The following CNTRL variants were observed in gnomAD, a reference collection of about 807,000 sequenced individuals.
The protein encoded by CNTRL is centriolin.
Under a neutral mutation model 303.7 loss-of-function variants are expected in CNTRL, and 233 were observed. That is an observed-to-expected ratio of 0.77 (90% CI 0.69 to 0.86). The LOEUF is 0.86. Among genes scored for constraint, CNTRL ranks in the 40% least tolerant of loss-of-function variants. The probability of loss-of-function intolerance (pLI) is 0.00; values close to 1 mark genes in which losing one functional copy is unlikely to be tolerated. For synonymous variants in CNTRL, 900 were observed against 922.2 expected, an observed-to-expected ratio of 0.98 and a Z score of 0.44; for missense variants, 2,524 against 2,650.6, an observed-to-expected ratio of 0.95 and a Z score of 1.05.
chr9:121,169,922 C>T (rs953726927), intron 39 of CNTRL, 106 bp downstream of exon 39: 1 of 899,704 alleles, frequency 1.1e-6, no homozygotes, highest in Non-Finnish European at 1.7e-6. Flanking sequence ...TCAACCCAGT[C>T]CTGAACCCAG....
intron 7 of CNTRL, among the ~76,000 whole-genome samples, chr9:121,105,254 C>A (rs570909387): frequency 6.6e-6 from 1 of 152,066 alleles, no homozygotes; most frequent in Non-Finnish European, 1.5e-5. Flanking sequence ...AGTTAACATG[C>A]TGGATGTGGA....
chr9:121,084,919 T>A (rs2048287953), intron 2 of CNTRL, among the ~76,000 whole-genome samples: 1 of 152,210 alleles, frequency 6.6e-6, no homozygotes, highest in Admixed American at 6.5e-5. Context: ...GAACTTTACC[T>A]TTCTTTCATA....
At chr9:121,077,680 C>T (rs1246358103) in intron 1 of CNTRL, among the ~76,000 whole-genome samples, 1 of 152,156 alleles carries the variant, frequency 6.6e-6, no homozygotes, top group Admixed American at 6.5e-5. Flanking sequence ...CACAGTGGCT[C>T]ACACCTGTAA....
chr9:121,157,588 A>G lies in CNTRL; in HGVS notation c.4484A>G (p.Asp1495Gly). The change falls in exon 28 of 44, where the codon GAT becomes GGT. Residue 1495 changes from aspartate (D) to glycine (G), a missense_variant. Physicochemically the swap from Asp to Gly is moderately conservative, Grantham distance 94 (BLOSUM62 -1). Coordinates refer to ENST00000373855, the MANE Select transcript of CNTRL (RefSeq NM_007018.6). Reference sequence around the variant, plus strand: ...ACTGCTGTTAACCTCGTCAAAGCTGATCAGCAGCTAAGGTAGGTGGATTCC... The same window carrying G: ...ACTGCTGTTAACCTCGTCAAAGCTGGTCAGCAGCTAAGGTAGGTGGATTCC... Reference protein sequence around the residue: ...QETAVNLVKADQQLRSLQADA... With the variant: ...QETAVNLVKAGQQLRSLQADA... 6.2e-7 allele frequency: 1 copy of G among 1,614,024 alleles called. No homozygotes were observed. Among genetic ancestry groups the G allele is most frequent in the African/African-American group, 1.3e-5 (1 of 75,038 alleles).
At chr9:121,162,436 CT>C (rs373673435) in intron 34 of CNTRL, 165 bp downstream of exon 34, 132,676 of 496,910 alleles carry the variant, frequency 0.27, 91 homozygotes, top group South Asian at 0.34. Flanking sequence ...TTCCTTCTAG[CT>C]TTTTTTTTTT....
At chr9:121,096,753 C>G (rs2048909953) in intron 6 of CNTRL, among the ~76,000 whole-genome samples, 190 bp downstream of exon 6, 1 of 152,028 alleles carries the variant, frequency 6.6e-6, no homozygotes, top group South Asian at 2.1e-4. Flanking sequence ...GCATGGGTTC[C>G]TAGGTCAACC....
chr9:121,123,937 A>C lies in CNTRL; in HGVS notation c.1657A>C (p.Met553Leu). 4 of 1,592,650 alleles carry C rather than the reference A, an allele frequency of 2.5e-6. No individual in the cohort carries two copies. Among genetic ancestry groups the C allele is most frequent in the Non-Finnish European group, 3.4e-6 (4 of 1,172,586 alleles). The change falls in exon 13 of 44, where the codon ATG (methionine) becomes CTG (leucine). Residue 553 changes from methionine (M) to leucine (L), a missense_variant. Transcript: ENST00000373855. Reference sequence around the variant, plus strand: ...ATTTTTTTTTTTAATTCAGTCCCATATGAAGGCTCAAAAGAGCGGTAAAGA... The same window carrying C: ...ATTTTTTTTTTTAATTCAGTCCCATCTGAAGGCTCAAAAGAGCGGTAAAGA... ...LDSKDPKHSH[M>L]KAQKSGKEQQ...
At chr9:121,171,194 A>AT in intron 39 of CNTRL, 1 of 633,420 alleles carries the variant, frequency 1.6e-6, no homozygotes, top group South Asian at 1.5e-5. Flanking sequence ...ATAGTAGCTT[A>AT]TTATCAAAGG....
rs2052723978 is a variant in CNTRL, at chr9:121,159,009, A to G, written c.4919A>G (p.Asn1640Ser). ...LGETEVTEKC[N>S]HIREVKSLLE... is the part of the protein sequence containing the mutation. The stretch of plus-strand genomic sequence containing the variant: ...GAGACTGAAGTAACTGAGAAGTGCA[A>G]TCACATTAGGGTGTGTTTTTTATTA... The change falls in exon 31 of 44, where the codon AAT becomes AGT. Residue 1640 changes from asparagine (N) to serine (S), a missense_variant. Transcript: ENST00000373855. The G allele has an allele frequency of 9.3e-6, 15 of 1,614,118 alleles. No homozygotes were observed. The highest frequency in any genetic ancestry group is 1.3e-5 in the Non-Finnish European group (15 of 1,179,978).
chr9:121,083,093 T>A (rs2048209254), intron 2 of CNTRL, among the ~76,000 whole-genome samples: 1 of 152,156 alleles, frequency 6.6e-6, no homozygotes. Context: ...TCTTTCCCAG[T>A]TAGTCGGTGA....
chr9:121,169,742 A>C lies in CNTRL; in HGVS notation c.6202A>C (p.Lys2068Gln), dbSNP rs190703381. 89 of 1,614,204 alleles carry C rather than the reference A, an allele frequency of 5.5e-5. No homozygotes were observed. The highest frequency in any genetic ancestry group is 1.3e-4 in the Admixed American group (8 of 60,028). The change falls in exon 39 of 44, where the codon AAA (lysine) becomes CAA (glutamine). Residue 2068 changes from lysine (K) to glutamine (Q), a missense_variant. Physicochemically the swap from Lys to Gln is moderately conservative, Grantham distance 53. Transcript: ENST00000373855. ...GAACCAGTTCTTGACAGAAAGAAAG[A>C]AAGCTGAGAAGCAGGTGGCCAGCCT... ...LRNQFLTERK[K>Q]AEKQVASLKE...
chr9:121,094,809 C>A, intron 4 of CNTRL, 79 bp from the exon 5 acceptor site: 1 of 1,075,430 alleles, frequency 9.3e-7, no homozygotes, highest in Non-Finnish European at 1.3e-6. Flanking sequence ...CAAACAGACC[C>A]TGATGCACAT....
At chr9:121,169,887 C>G in intron 39 of CNTRL, 71 bp downstream of exon 39, 2 of 1,220,444 alleles carry the variant, frequency 1.6e-6, no homozygotes, top group African/African-American at 1.5e-5. Context: ...AACACCACTT[C>G]AACACAGAGA....
At chr9:121,145,047 A>T in intron 21 of CNTRL, 88 bp downstream of exon 21, 4 of 1,253,384 alleles carry the variant, frequency 3.2e-6, no homozygotes, top group Non-Finnish European at 4.6e-6. Context: ...GTCTCAAAGA[A>T]TTCTGAAGTG....
chr9:121,171,585 A>G (rs2053307425), intron 40 of CNTRL, 37 bp downstream of exon 40: 2 of 1,602,418 alleles, frequency 1.2e-6, no homozygotes, highest in Non-Finnish European at 8.5e-7. Flanking sequence ...CAGCCTGGGG[A>G]GAGAGGACTC....
chr9:121,123,866 A>C, intron 12 of CNTRL, 65 bp from the exon 13 acceptor site: 1 of 1,203,172 alleles, frequency 8.3e-7, no homozygotes. Context: ...AATGTTGTTA[A>C]GGGTTATTAC....
intron 8 of CNTRL, among the ~76,000 whole-genome samples, chr9:121,109,619 C>T (rs73662481): frequency 2.1e-3 from 312 of 151,984 alleles, no homozygotes; most frequent in African/African-American, 7.3e-3. Flanking sequence ...TGCATTCATA[C>T]TAGTATTTCT....
In CNTRL at chr9:121,154,848, G is replaced by A. The variant is rs2052477347; in HGVS notation, c.4300G>A (p.Glu1434Lys). ...GAAGACTCTTCTGAAACGTCGCTCA[G>A]AGCTCAGGGAAGCTGACCGACTCCT... ...IEKTLLKRRS[E>K]LREADRLLAE... The change falls in exon 27 of 44, where the codon GAG becomes AAG. Residue 1434 changes from glutamate (E) to lysine (K), a missense_variant. Glu to Lys is a moderately conservative substitution (Grantham distance 56, BLOSUM62 1). Transcript: ENST00000373855. The A allele has an allele frequency of 6.2e-7, 1 of 1,614,068 alleles. No homozygotes were observed. The highest frequency in any genetic ancestry group is 1.1e-5 in the South Asian group (1 of 91,088).
Position 121,124,009 on chromosome 9 carries a change from C to T in CNTRL, c.1729C>T (p.Arg577Cys), listed in dbSNP as rs748020948. ...CAAGCAGTACCAACAACTTGAAAGT[C>T]GTTTGGATGAGATACTTTCTAGAAT... is the stretch of plus-strand genomic sequence containing the variant. Reference protein sequence around the residue: ...MNKQYQQLESRLDEILSRIAK... With the variant: ...MNKQYQQLESCLDEILSRIAK... Residue 577 changes from arginine (R) to cysteine (C), a missense_variant, in exon 13 of 44, where the codon CGT becomes TGT. Coordinates refer to ENST00000373855, the MANE Select transcript of CNTRL (RefSeq NM_007018.6). The T allele has an allele frequency of 7.4e-6, 12 of 1,612,036 alleles. No homozygotes were observed. The South Asian group carries it at 9.9e-5, about 13-fold the overall frequency.
Sources: gnomAD v4.1 joint callset for allele counts (sites outside exome capture counted in the v4.1 genomes callset) on GRCh38, gnomAD v4.1.1 for gene constraint, MANE v1.5 for transcripts, NCBI Gene and HGNC (gene_info 2026-07-23, HGNC 2026-07-21) for gene names.